PLCB4: variants seen among roughly 807,000 people sequenced by gnomAD.
PLCB4 encodes phospholipase C beta 4, also known as 1-phosphatidylinositol 4,5-bisphosphate phosphodiesterase beta-4.
A neutral mutation model predicts 178.8 loss-of-function variants in PLCB4; 77 were observed. The ratio of observed to expected loss-of-function variants is 0.43; its 90% CI spans 0.36 to 0.52. The LOEUF (loss-of-function observed/expected upper bound fraction) is 0.52, where lower values mean the gene tolerates loss of function less well. Ranked by LOEUF, PLCB4 falls within the 20% of genes least tolerant of loss-of-function variation. The pLI, the probability that PLCB4 is intolerant of heterozygous loss-of-function variation, is 0.00. For synonymous variants in PLCB4, 496 were observed against 490.8 expected (o/e 1.01, Z -0.14); for missense variants, 1,024 against 1,453.4 (o/e 0.70, Z 4.80).
chr20:9,145,263 C>T (rs1023188983), intron 2 of PLCB4, among the ~76,000 whole-genome samples: 2 of 152,126 alleles, frequency 1.3e-5, no homozygotes, highest in Non-Finnish European at 2.9e-5. Context: ...ACATTCATTA[C>T]ATAGCACAAT....
At chr20:9,080,521 T>A (rs2090093500) in intron 1 of PLCB4, among the ~76,000 whole-genome samples, 1 of 152,204 alleles carries the variant, frequency 6.6e-6, no homozygotes, top group Non-Finnish European at 1.5e-5. Flanking sequence ...TACCCTTATA[T>A]ATTCCTGAAG....
intron 2 of PLCB4, among the ~76,000 whole-genome samples, chr20:9,190,879 G>A (rs2093393846): frequency 6.6e-6 from 1 of 152,114 alleles, no homozygotes; most frequent in South Asian, 2.1e-4. Flanking sequence ...ATTGCCCAAG[G>A]TCACACAATC....
intron 3 of PLCB4, among the ~76,000 whole-genome samples, chr20:9,237,503 G>A (rs965659401): frequency 6.6e-6 from 1 of 152,208 alleles, no homozygotes; most frequent in Non-Finnish European, 1.5e-5. Context: ...TGAGGAGCTT[G>A]TTAGAGATGC....
At chr20:9,259,417 T>C (rs2094273786) in intron 3 of PLCB4, among the ~76,000 whole-genome samples, 1 of 151,954 alleles carries the variant, frequency 6.6e-6, no homozygotes, top group Non-Finnish European at 1.5e-5. Context: ...TGGAGAAAGG[T>C]TGGGAAGTAG....
At chr20:9,119,172 G>T (rs900882309) in intron 2 of PLCB4, among the ~76,000 whole-genome samples, 1 of 152,038 alleles carries the variant, frequency 6.6e-6, no homozygotes, top group Non-Finnish European at 1.5e-5. Flanking sequence ...GCAAGTATTT[G>T]CCCTCACACT....
rs754452365 is a variant in PLCB4 at position 9,380,127 on chromosome 20, A to G, written c.818A>G (p.Glu273Gly). 1 of 1,584,426 alleles carries G rather than the reference A, an allele frequency of 6.3e-7. No homozygotes were observed. The highest frequency in any genetic ancestry group is 8.6e-7 in the Non-Finnish European group (1 of 1,157,930). Reference protein sequence around the residue: ...YDAKRAMQIIEMYEPDEDLKK... With the variant: ...YDAKRAMQIIGMYEPDEDLKK... ...GCCAAAAGGGCAATGCAGATCATTG[A>G]GATGTATGAACCTGATGAAGATTTG... Residue 273 changes from glutamate to glycine, a missense_variant, in exon 13 of 40, where the codon GAG becomes GGG. By Grantham distance (98) the Glu-to-Gly change is moderately conservative. This residue lies in a region of PLCB4 where 37 missense variants were observed against 28.6 expected (regional missense o/e 1.30). Transcript: ENST00000378473.
chr20:9,404,725 C>A (rs2039307618), intron 20 of PLCB4, among the ~76,000 whole-genome samples: 1 of 152,080 alleles, frequency 6.6e-6, no homozygotes, highest in South Asian at 2.1e-4. Context: ...CTATTTGTCA[C>A]CATTCTAGAG....
chr20:9,182,310 CCTGCTT>C (rs1482571455), intron 2 of PLCB4, among the ~76,000 whole-genome samples: 2 of 152,118 alleles, frequency 1.3e-5, no homozygotes, highest in African/African-American at 2.4e-5. Flanking sequence ...CTATCAATCA[CCTGCTT>C]CTGGGGCTCT....
chr20:9,416,106 C>G (rs140025327), intron 25 of PLCB4, among the ~76,000 whole-genome samples: 40 of 152,320 alleles, frequency 2.6e-4, no homozygotes, highest in Middle Eastern at 6.8e-3. Context: ...CCCATTTCAC[C>G]GGAGCATGCC....
In PLCB4 at chr20:9,457,437, A is replaced by T; in HGVS notation, c.3020A>T (p.Lys1007Ile). Reference sequence around the variant, plus strand: ...AGGGGAAGTAATTGTCTCGAAATGAAAAAAGAAACAGAAATCAAAATTCAG... The same window carrying T: ...AGGGGAAGTAATTGTCTCGAAATGATAAAAGAAACAGAAATCAAAATTCAG... ...KKGGSNCLEMKKETEIKIQTL... is the reference protein window; with the variant it reads ...KKGGSNCLEMIKETEIKIQTL... The change falls in exon 34 of 40, where the codon AAA becomes ATA. Residue 1007 changes from lysine to isoleucine, a missense_variant. By Grantham distance (102) the Lys-to-Ile change is moderately radical. Around this residue, in one of 7 missense-constraint regions of PLCB4, gnomAD observed 264 missense variants for 283.2 expected, o/e 0.93. Transcript: ENST00000378473. 6.4e-7 allele frequency: 1 copy of T among 1,561,700 alleles called. No homozygotes were observed.
At chr20:9,341,382 G>A (rs546547640) in intron 7 of PLCB4, among the ~76,000 whole-genome samples, 44 of 152,186 alleles carry the variant, frequency 2.9e-4, no homozygotes, top group Middle Eastern at 3.4e-3. Context: ...AATATTAACA[G>A]TCAATTCACA....
chr20:9,321,952 CTT>C (rs746419205), intron 4 of PLCB4, among the ~76,000 whole-genome samples: 12 of 140,000 alleles, frequency 8.6e-5, no homozygotes, highest in Non-Finnish European at 1.5e-4. Flanking sequence ...TTTTCTTTTT[CTT>C]TTTTTTTTTT....
intron 2 of PLCB4, among the ~76,000 whole-genome samples, chr20:9,150,652 A>C (rs6086794): frequency 6.6e-6 from 1 of 152,042 alleles, no homozygotes; most frequent in African/African-American, 2.4e-5. Context: ...CCTAGTTTAG[A>C]AGGAGGCCTG....
chr20:9,154,156 G>T (rs1241096249), intron 2 of PLCB4, among the ~76,000 whole-genome samples: 1 of 152,114 alleles, frequency 6.6e-6, no homozygotes, highest in African/African-American at 2.4e-5. Flanking sequence ...AGCGAGGAGG[G>T]ATTAGAGAGA....
chr20:9,237,151 A>G (rs896882767), intron 3 of PLCB4, among the ~76,000 whole-genome samples: 1 of 152,124 alleles, frequency 6.6e-6, no homozygotes, highest in Admixed American at 6.6e-5. Context: ...TTATTGTGGT[A>G]TAATTCACAT....
intron 2 of PLCB4, among the ~76,000 whole-genome samples, chr20:9,164,597 G>T (rs1216636836): frequency 6.6e-6 from 1 of 152,122 alleles, no homozygotes; most frequent in South Asian, 2.1e-4. Flanking sequence ...AGCATTAGAA[G>T]AGTATAACTC....
chr20:9,316,674 A>G (rs761872535), intron 4 of PLCB4, among the ~76,000 whole-genome samples: 1 of 152,182 alleles, frequency 6.6e-6, no homozygotes, highest in Non-Finnish European at 1.5e-5. Context: ...TCTTGTCAGC[A>G]CAGCTGTGTG....
intron 3 of PLCB4, among the ~76,000 whole-genome samples, chr20:9,254,886 C>T (rs931490521): frequency 1.1e-4 from 17 of 152,146 alleles, no homozygotes; most frequent in African/African-American, 4.1e-4. Flanking sequence ...TGCAGAACAG[C>T]AAAGTAGTAA....
chr20:9,291,452 A>G (rs2094579107), intron 3 of PLCB4, among the ~76,000 whole-genome samples: 1 of 152,184 alleles, frequency 6.6e-6, no homozygotes, highest in Non-Finnish European at 1.5e-5. Flanking sequence ...CACTTTTAAT[A>G]TAAGTTAACT....
Sources: gnomAD v4.1 joint callset for allele counts (sites outside exome capture counted in the v4.1 genomes callset) on GRCh38, gnomAD v4.1.1 for gene constraint, gnomAD v4.1.1 regional missense constraint, MANE v1.5 for transcripts, NCBI Gene and HGNC (gene_info 2026-07-23, HGNC 2026-07-21) for gene names.